Variants in CFTR observed in about 807,000 individuals in gnomAD.
CFTR encodes cystic fibrosis transmembrane conductance regulator.
CFTR carries 181 observed loss-of-function variants against 171.6 expected under a neutral mutation model. The observed-to-expected ratio is 1.05, with a 90% CI of 0.93 to 1.19. The LOEUF (loss-of-function observed/expected upper bound fraction) is 1.19, where lower values mean the gene tolerates loss of function less well. Ranked by LOEUF, CFTR falls within the 50% of genes most tolerant of loss-of-function variation. The pLI is 0.00. For missense variants in CFTR, 1,968 were observed against 1,734.7 expected (o/e 1.13, Z -2.39); for synonymous variants, 583 against 608.0 (o/e 0.96, Z 0.60).
chr7:117,631,271 A>G (rs1263536801), intron 22 of CFTR, among the ~76,000 whole-genome samples: 1 of 152,162 alleles, frequency 6.6e-6, no homozygotes, highest in East Asian at 1.9e-4. Context: ...GATAAGAGCT[A>G]CAGGAGCATC....
chr7:117,489,189 G>C (rs1381613277), intron 1 of CFTR, among the ~76,000 whole-genome samples: 1 of 152,060 alleles, frequency 6.6e-6, no homozygotes, highest in Non-Finnish European at 1.5e-5. Context: ...TACAGGTGAA[G>C]GTGTTATGAA....
intron 23 of CFTR, among the ~76,000 whole-genome samples, chr7:117,650,136 A>C (rs1584841624): frequency 6.6e-6 from 1 of 151,168 alleles, no homozygotes; most frequent in Non-Finnish European, 1.5e-5. Flanking sequence ...AAAACCTTTG[A>C]AGGTTTGTTA....
chr7:117,597,694 A>G (rs904892314), intron 15 of CFTR, among the ~76,000 whole-genome samples: 4 of 152,158 alleles, frequency 2.6e-5, no homozygotes, highest in African/African-American at 7.2e-5. Flanking sequence ...CTTAGCATTC[A>G]TTTTAGACAA....
At chr7:117,480,858 A>T (rs1207440375) in intron 1 of CFTR, among the ~76,000 whole-genome samples, 2 of 152,224 alleles carry the variant, frequency 1.3e-5, no homozygotes, top group African/African-American at 2.4e-5. Context: ...AACTTTAATG[A>T]GATTTTTTAA....
intron 11 of CFTR, chr7:117,586,368 G>A (rs1791934649): frequency 6.6e-6 from 1 of 152,156 alleles, no homozygotes; most frequent in African/African-American, 2.4e-5. Flanking sequence ...AGTCCACTGA[G>A]TCCTGCTACA....
At chr7:117,581,871 A>G (rs1176979448) in intron 11 of CFTR, among the ~76,000 whole-genome samples, 1 of 151,824 alleles carries the variant, frequency 6.6e-6, no homozygotes, top group Non-Finnish European at 1.5e-5. Flanking sequence ...CCACCTCTCA[A>G]TCTCCAGAGT....
Position 117,587,720 on chromosome 7 carries a change from T to C in CFTR, c.1585-19T>C, listed in dbSNP as rs778457306. On this transcript the variant is annotated intron_variant, in intron 11 of 26. Transcript: ENST00000003084. ...AGCATACTAAAAGTGACTCTCTAAT[T>C]TTCTATTTTTGGTAATAGGACATCT... The C allele has an allele frequency of 4.8e-6, 7 of 1,456,734 alleles. No individual in the cohort carries two copies. Among genetic ancestry groups the C allele is most frequent in the Admixed American group, 1.7e-5 (1 of 59,660 alleles). 90.2% of individuals were successfully genotyped at this position (1,456,734 alleles called of 1,614,324 possible).
At chr7:117,635,648 G>A (rs968515469) in intron 22 of CFTR, among the ~76,000 whole-genome samples, 8 of 151,740 alleles carry the variant, frequency 5.3e-5, no homozygotes, top group African/African-American at 1.9e-4. Context: ...TGCCCCTAGA[G>A]TTTGCAATAT....
chr7:117,641,792 T>C (rs1157998012), intron 22 of CFTR, among the ~76,000 whole-genome samples: 1 of 152,246 alleles, frequency 6.6e-6, no homozygotes, highest in Non-Finnish European at 1.5e-5. Flanking sequence ...TTTTCCTTAC[T>C]ATACATTTTG....
intron 23 of CFTR, among the ~76,000 whole-genome samples, chr7:117,645,813 T>C (rs1289347398): frequency 6.6e-6 from 1 of 151,994 alleles, no homozygotes; most frequent in Non-Finnish European, 1.5e-5. Context: ...CCACTTAGCA[T>C]TGTAAATACT....
rs915963737 is a variant in CFTR, at chr7:117,536,090, A to G, written c.744-458A>G. Among the ~76,000 whole-genome samples, 5 of 152,230 alleles carry G rather than the reference A, an allele frequency of 3.3e-5. No individual in the cohort carries two copies. The East Asian group carries it at 9.6e-4, about 29-fold the overall frequency. ...CTTAGTTACTTTGTGTTACAGAATAACTAATATGAGTGAATGAATGACTTA... is the reference window on the plus strand; with the variant it reads ...CTTAGTTACTTTGTGTTACAGAATAGCTAATATGAGTGAATGAATGACTTA... On this transcript the variant is annotated intron_variant, in intron 6 of 26. Coordinates refer to ENST00000003084, the MANE Select transcript of CFTR (RefSeq NM_000492.4).
intron 11 of CFTR, among the ~76,000 whole-genome samples, chr7:117,584,744 G>A (rs1303908644): frequency 1.3e-5 from 2 of 151,958 alleles, no homozygotes; most frequent in Admixed American, 6.6e-5. Context: ...TATTGAATTT[G>A]TAGATTGCTT....
chr7:117,535,106 T>G (rs958953758), intron 5 of CFTR, 142 bp from the exon 6 acceptor site: 1 of 856,772 alleles, frequency 1.2e-6, no homozygotes, highest in Non-Finnish European at 2.0e-6. Flanking sequence ...ATGTAATGAT[T>G]ACCTAGATTT....
intron 3 of CFTR, among the ~76,000 whole-genome samples, chr7:117,522,084 T>A (rs34209052): frequency 9.8e-5 from 15 of 152,304 alleles, no homozygotes; most frequent in African/African-American, 3.1e-4. Flanking sequence ...GGGAGGCTGA[T>A]CTAAATTGAG....
chr7:117,544,747 C>A (rs745561302), intron 9 of CFTR, among the ~76,000 whole-genome samples: 1 of 152,340 alleles, frequency 6.6e-6, no homozygotes, highest in South Asian at 2.1e-4. Flanking sequence ...TGCCCAAAAC[C>A]TTATCACTCT....
chr7:117,614,644 G>T lies in CFTR; in HGVS notation c.3399G>T (p.Leu1133=). The T allele has an allele frequency of 6.2e-7, 1 of 1,612,100 alleles. No individual in the cohort carries two copies. The highest frequency in any genetic ancestry group is 1.1e-5 in the South Asian group (1 of 91,022). The change falls in exon 21 of 27, where the codon CTG becomes CTT. Residue 1133 remains leucine (L), a synonymous_variant. Coordinates refer to ENST00000003084, the MANE Select transcript of CFTR (RefSeq NM_000492.4). ...GAGAAGGAAGAGTTGGTATTATCCT[G>T]ACTTTAGCCATGAATATCATGAGTA... The part of the protein sequence containing the change: ...GEGEGRVGII[L]TLAMNIMSTL...
intron 23 of CFTR, among the ~76,000 whole-genome samples, chr7:117,646,664 G>A (rs962435582): frequency 8.5e-5 from 13 of 152,108 alleles, no homozygotes; most frequent in African/African-American, 3.1e-4. Context: ...CTGATGGCAT[G>A]GGGTGTAGGT....
At chr7:117,631,896 A>C (rs1792752658) in intron 22 of CFTR, among the ~76,000 whole-genome samples, 1 of 152,174 alleles carries the variant, frequency 6.6e-6, no homozygotes, top group Non-Finnish European at 1.5e-5. Flanking sequence ...TGGCATTTGA[A>C]GTGTGTTGGG....
At chr7:117,605,770 G>C (rs561903274) in intron 17 of CFTR, among the ~76,000 whole-genome samples, 1 of 152,292 alleles carries the variant, frequency 6.6e-6, no homozygotes, top group African/African-American at 2.4e-5. Context: ...CAGTTTGGCT[G>C]AAACAGGATA....
Sources: allele counts gnomAD v4.1 joint callset (sites outside exome capture counted in the v4.1 genomes callset), GRCh38; gene constraint gnomAD v4.1.1; transcripts MANE v1.5; gene names NCBI Gene and HGNC (gene_info 2026-07-23, HGNC 2026-07-21).